NUP98: variants seen among roughly 807,000 people sequenced by gnomAD.
The protein encoded by NUP98 is nucleoporin 98 and 96 precursor.
In NUP98, 26 loss-of-function variants were observed where a neutral mutation model predicts 191.9. The observed-to-expected ratio is 0.14, with a 90% CI of 0.10 to 0.19. The LOEUF (loss-of-function observed/expected upper bound fraction) is 0.19. NUP98 is among the 10% of genes least tolerant of loss of function. NUP98 has a pLI of 1.00. For synonymous variants in NUP98, 808 were observed against 778.4 expected (o/e 1.04, Z -0.63); for missense variants, 1,941 against 2,178.8 (o/e 0.89, Z 2.17).
chr11:3,748,178 AG>A (rs1209513731), intron 11 of NUP98, among the ~76,000 whole-genome samples: 1 of 152,238 alleles, frequency 6.6e-6, no homozygotes, highest in Non-Finnish European at 1.5e-5. Context: ...CAAAAGCATC[AG>A]AAAAAGAATT....
chr11:3,730,021 T>G (rs1010614231), intron 14 of NUP98, among the ~76,000 whole-genome samples: 1 of 151,842 alleles, frequency 6.6e-6, no homozygotes, highest in Non-Finnish European at 1.5e-5. Flanking sequence ...GCAGGTGAAT[T>G]ATCTGAGGTC....
intron 10 of NUP98, among the ~76,000 whole-genome samples, chr11:3,756,129 C>T (rs1330166784): frequency 1.3e-5 from 2 of 151,964 alleles, no homozygotes; most frequent in Non-Finnish European, 2.9e-5. Flanking sequence ...GATGAAAACA[C>T]AAAAAATGTA....
chr11:3,769,044 T>C (rs2081431606), intron 7 of NUP98, among the ~76,000 whole-genome samples: 2 of 152,240 alleles, frequency 1.3e-5, no homozygotes, highest in South Asian at 4.1e-4. Context: ...GCATGTGTAT[T>C]TTAACCTTGC....
chr11:3,775,281 A>C (rs1409944861), intron 5 of NUP98, among the ~76,000 whole-genome samples: 1 of 152,102 alleles, frequency 6.6e-6, no homozygotes. Context: ...TGTAATCCCA[A>C]CACTTTGGGA....
intron 13 of NUP98, among the ~76,000 whole-genome samples, chr11:3,732,937 C>G (rs932149881): frequency 4.6e-5 from 7 of 152,238 alleles, no homozygotes; most frequent in African/African-American, 1.4e-4. Flanking sequence ...CCAAGCCCTA[C>G]ATATCCATAC....
At chr11:3,778,764 AT>A in intron 4 of NUP98, 108 bp downstream of exon 4, 3 of 1,179,368 alleles carry the variant, frequency 2.5e-6, no homozygotes, top group Non-Finnish European at 3.6e-6. Context: ...TGTTTTTGCC[AT>A]TTAGTAGGAA....
rs1246734548 is a variant in NUP98, at chr11:3,710,209, T to C, written c.2742+2355A>G. 2.6e-5 allele frequency among the ~76,000 whole-genome samples: 4 copies of C among 152,264 alleles called. No individual in the cohort carries two copies. In the East Asian group the frequency reaches 7.7e-4, roughly 29 times the overall value. On this transcript the variant is annotated intron_variant, in intron 20 of 32. Transcript: ENST00000324932. ...GGCATTGATGCAGCCAGCTGGAAATTGGATCCCAGACCAGGATTTTGAAAC... is the reference window on the plus strand; with the variant it reads ...GGCATTGATGCAGCCAGCTGGAAATCGGATCCCAGACCAGGATTTTGAAAC...
intron 13 of NUP98, among the ~76,000 whole-genome samples, chr11:3,733,622 T>A (rs1444157089): frequency 6.6e-6 from 1 of 152,192 alleles, no homozygotes; most frequent in Non-Finnish European, 1.5e-5. Flanking sequence ...TGCCCGGCCT[T>A]CACTTATGTT....
intron 6 of NUP98, 105 bp downstream of exon 6, chr11:3,773,527 C>A: frequency 1.7e-6 from 1 of 599,432 alleles, no homozygotes; most frequent in Non-Finnish European, 2.7e-6. Context: ...TACATAAACC[C>A]AAACTGAACC....
intron 10 of NUP98, among the ~76,000 whole-genome samples, chr11:3,755,194 G>A (rs1049765371): frequency 3.3e-5 from 5 of 151,830 alleles, no homozygotes; most frequent in East Asian, 1.9e-4. Flanking sequence ...GATGGCTCAC[G>A]CCTGTAATCC....
intron 1 of NUP98, among the ~76,000 whole-genome samples, chr11:3,791,887 A>G (rs1017802816): frequency 6.6e-6 from 1 of 151,322 alleles, no homozygotes; most frequent in Non-Finnish European, 1.5e-5. Context: ...CAACTACAAA[A>G]ACATGCATTC....
chr11:3,680,314 T>A (rs2077944202), intron 30 of NUP98, among the ~76,000 whole-genome samples: 1 of 152,234 alleles, frequency 6.6e-6, no homozygotes, highest in Non-Finnish European at 1.5e-5. Context: ...AAGAAACTGC[T>A]TTCTTTGCTT....
At chr11:3,685,834 T>C (rs1047579778) in intron 29 of NUP98, 139 bp downstream of exon 29, 1 of 678,174 alleles carries the variant, frequency 1.5e-6, no homozygotes, top group East Asian at 2.7e-5. Flanking sequence ...GGTTTAACTA[T>C]CTTGAGGTTT....
chr11:3,796,298 T>C (rs779108966), intron 1 of NUP98, among the ~76,000 whole-genome samples: 1 of 152,030 alleles, frequency 6.6e-6, no homozygotes, highest in Non-Finnish European at 1.5e-5. Context: ...TACCTGGCTT[T>C]CTAAGTCTTA....
chr11:3,676,283 C>T lies in NUP98; in HGVS notation c.5279G>A (p.Arg1760Gln), dbSNP rs759715344. The T allele has an allele frequency of 4.5e-5, 72 of 1,614,020 alleles. No individual in the cohort carries two copies. The highest frequency in any genetic ancestry group is 8.8e-5 in the South Asian group (8 of 91,078). The change falls in exon 33 of 33, where the codon CGA becomes CAA. Residue 1760 changes from arginine to glutamine, a missense_variant. Around this residue, in one of 6 missense-constraint regions of NUP98, gnomAD observed 1,030 missense variants for 1,115.8 expected, o/e 0.92. Transcript: ENST00000324932. ...GGGAGCCAAGAGGCGCAAAGGGACT[C>T]GCTGAGGGTCTGGTGTTGAGTCGGA... is the stretch of plus-strand genomic sequence containing the variant. ...RTSDSTPDPQ[R>Q]VPLRLLAPHI...
At chr11:3,766,060 T>C (rs910263477) in intron 8 of NUP98, among the ~76,000 whole-genome samples, 2 of 152,174 alleles carry the variant, frequency 1.3e-5, no homozygotes, top group Non-Finnish European at 2.9e-5. Flanking sequence ...CAATTACTAT[T>C]GCTTTATAGT....
intron 8 of NUP98, among the ~76,000 whole-genome samples, chr11:3,765,695 G>C (rs2081313684): frequency 6.6e-6 from 1 of 151,862 alleles, no homozygotes. Flanking sequence ...CAGTTACTCA[G>C]GAGACCAAGG....
chr11:3,777,577 C>T (rs1034778828), intron 4 of NUP98, among the ~76,000 whole-genome samples: 3 of 146,032 alleles, frequency 2.1e-5, no homozygotes, highest in Admixed American at 7.0e-5. Context: ...GCAGAGATTG[C>T]GCCACTGCAC....
chr11:3,717,294 A>G (rs2079220221), intron 18 of NUP98, among the ~76,000 whole-genome samples: 1 of 152,166 alleles, frequency 6.6e-6, no homozygotes, highest in Non-Finnish European at 1.5e-5. Flanking sequence ...CACTGCACCT[A>G]GCTGAACAAT....
Sources: gnomAD v4.1 joint callset for allele counts (sites outside exome capture counted in the v4.1 genomes callset) on GRCh38, gnomAD v4.1.1 for gene constraint, gnomAD v4.1.1 regional missense constraint, MANE v1.5 for transcripts, NCBI Gene and HGNC (gene_info 2026-07-23, HGNC 2026-07-21) for gene names.